Variants in RNF125 observed in about 807,000 individuals in gnomAD.
RNF125 encodes ring finger protein 125, also known as E3 ubiquitin-protein ligase RNF125.
Under a neutral mutation model 26.0 loss-of-function variants are expected in RNF125, and 21 were observed. That is an observed-to-expected ratio of 0.81 (90% confidence interval 0.57 to 1.16). The LOEUF is 1.16. RNF125 is among the 50% of genes most tolerant of loss of function. RNF125 has a pLI of 0.00. For missense variants in RNF125, 270 were observed against 299.4 expected, an observed-to-expected ratio of 0.90 and a Z score of 0.72; for synonymous variants, 95 against 109.2, an observed-to-expected ratio of 0.87 and a Z score of 0.81.
At position 32,066,975 on chromosome 18, in the gene RNF125, G is replaced by A. The variant is rs578013598; in HGVS notation, c.612+966G>A. Among the ~76,000 whole-genome samples, 17 of 152,254 alleles carry A rather than the reference G, an allele frequency of 1.1e-4. No homozygotes were observed. In the South Asian group the frequency reaches 1.9e-3, roughly 17 times the overall value. ...TAATACAAAGAGGTTTCTCTTGGCC[G>A]GGCGTGGTGGCTCACACCTGTAATC... On this transcript the variant is annotated intron_variant, in intron 5 of 5. Transcript: ENST00000217740.
chr18:32,045,589 A>C, intron 3 of RNF125, 53 bp from the exon 4 acceptor site: 2 of 1,193,970 alleles, frequency 1.7e-6, no homozygotes, highest in Non-Finnish European at 1.2e-6. Context: ...AAAAGTGACT[A>C]CTATCTAGTT....
chr18:32,046,214 C>CAAAAAAAAAAAA (rs768054716), intron 4 of RNF125, among the ~76,000 whole-genome samples: 1 of 76,174 alleles, frequency 1.3e-5, no homozygotes, highest in Non-Finnish European at 2.3e-5. Context: ...AAGACTGTCT[C>CAAAAAAAAAAAA]AAAAAAAAAA....
At chr18:32,048,257 C>CA (rs56147477) in intron 4 of RNF125, among the ~76,000 whole-genome samples, 5,504 of 117,722 alleles carry the variant, frequency 0.047, 130 homozygotes, top group East Asian at 0.075. Context: ...ACTAAAAATA[C>CA]AAAAAAAAAA....
At chr18:32,063,272 A>G (rs1008990940) in intron 4 of RNF125, among the ~76,000 whole-genome samples, 2 of 151,636 alleles carry the variant, frequency 1.3e-5, no homozygotes, top group African/African-American at 2.4e-5. Flanking sequence ...ATATAATTTT[A>G]AAAAAGTGAA....
chr18:32,019,481 C>T (rs2144420247), intron 1 of RNF125, among the ~76,000 whole-genome samples: 1 of 152,332 alleles, frequency 6.6e-6, no homozygotes, highest in Non-Finnish European at 1.5e-5. Context: ...TCCCTCTGCC[C>T]CAGAAACCCG....
the RNF125 span, among the ~76,000 whole-genome samples, chr18:32,089,970 G>C: frequency 6.6e-6 from 1 of 152,218 alleles, no homozygotes; most frequent in African/African-American, 2.4e-5. Flanking sequence ...TGTAGGCCAG[G>C]CACAGTGGCT....
intron 4 of RNF125, among the ~76,000 whole-genome samples, chr18:32,049,993 G>C (rs10502580): frequency 0.091 from 13,917 of 152,104 alleles, 2,077 homozygotes; most frequent in African/African-American, 0.32. Context: ...GATTCTGGAT[G>C]GGTGTGGAAG....
chr18:32,053,723 G>A (rs570416422), intron 4 of RNF125, among the ~76,000 whole-genome samples: 24 of 151,982 alleles, frequency 1.6e-4, no homozygotes, highest in East Asian at 1.2e-3. Flanking sequence ...AGCAGAGATC[G>A]CATCATTGCA....
intron 1 of RNF125, among the ~76,000 whole-genome samples, chr18:32,032,326 C>T (rs938163131): frequency 6.6e-6 from 1 of 152,012 alleles, no homozygotes; most frequent in African/African-American, 2.4e-5. Flanking sequence ...GATCCACCTG[C>T]CTCAGCCTCC....
At chr18:32,038,552 CAT>C (rs34697030) in intron 2 of RNF125, among the ~76,000 whole-genome samples, 44,940 of 151,980 alleles carry the variant, frequency 0.3, 8,007 homozygotes, top group South Asian at 0.4. Flanking sequence ...AACCCAGTGA[CAT>C]ATTTCCACCT....
At position 32,069,190 on chromosome 18, in the gene RNF125, G is replaced by A; in HGVS notation, c.*806G>A. ...CACTCCAGCCTGGGTAACAGAGCTA[G>A]ACTCCATCTCAAAAAAAAAAAAAAA... On this transcript the variant is annotated 3_prime_UTR_variant, in exon 6 of 6. Transcript: ENST00000217740. 1.7e-5 allele frequency: 2 copies of A among 119,506 alleles called. No homozygotes were observed. The highest frequency in any genetic ancestry group is 6.6e-5 in the African/African-American group (2 of 30,298). The allele number at this position is 119,506 out of a possible 1,614,324, so 7.4% of individuals were successfully genotyped here. A position where few individuals can be genotyped will look rare whatever the true frequency, so the allele number is the denominator to read the frequency against.
chr18:32,068,469 ATTGATGGGC>A lies in RNF125; in HGVS notation c.*86_*94del. ...ACAAATGGGAGGGAAGTTGTCAATG[ATTGATGGGC>A]AAAAATGTACAACACAGTTATGTGT... On this transcript the variant is annotated 3_prime_UTR_variant, in exon 6 of 6. Coordinates refer to ENST00000217740, the MANE Select transcript of RNF125 (RefSeq NM_017831.4). 1.3e-6 allele frequency: 1 copy of A among 792,906 alleles called. No individual in the cohort carries two copies. Among genetic ancestry groups the A allele is most frequent in the Admixed American group, 1.9e-5 (1 of 52,498 alleles). The allele number at this position is 792,906 out of a possible 1,614,324, so 49.1% of individuals were successfully genotyped here.
downstream of RNF125, among the ~76,000 whole-genome samples, chr18:32,077,685 A>G (rs1598832875): frequency 6.6e-6 from 1 of 151,984 alleles, no homozygotes; most frequent in Non-Finnish European, 1.5e-5. Context: ...TTGAAAGAAG[A>G]AAAAAATCAT....
chr18:32,055,835 C>T (rs563221778), intron 4 of RNF125, among the ~76,000 whole-genome samples: 6 of 151,640 alleles, frequency 4.0e-5, no homozygotes, highest in East Asian at 3.9e-4. Flanking sequence ...CAAAATTAGC[C>T]GGGTGTGGTG....
chr18:32,075,827 T>C, downstream of RNF125: 2 of 669,386 alleles, frequency 3.0e-6, no homozygotes, highest in Non-Finnish European at 5.3e-6. Flanking sequence ...TTCTTTGTTG[T>C]TGTTGTTTGT....
chr18:32,045,507 G>A (rs2039260421), intron 3 of RNF125, 135 bp from the exon 4 acceptor site: 1 of 454,758 alleles, frequency 2.2e-6, no homozygotes. Flanking sequence ...GTTGCATTGA[G>A]CTGAGATCAT....
At chr18:32,042,354 C>T in intron 3 of RNF125, 81 bp downstream of exon 3, 1 of 841,076 alleles carries the variant, frequency 1.2e-6, no homozygotes, top group Non-Finnish European at 1.9e-6. Flanking sequence ...CTTTAACATT[C>T]TTATGAAAAT....
intron 4 of RNF125, among the ~76,000 whole-genome samples, chr18:32,047,088 G>C (rs2039279669): frequency 6.6e-6 from 1 of 152,146 alleles, no homozygotes; most frequent in Non-Finnish European, 1.5e-5. Flanking sequence ...CCAGGCTGGA[G>C]TGCAGTGGCT....
chr18:32,055,979 CAAAAAAAAAAAAAAA>C (rs67968645), intron 4 of RNF125, among the ~76,000 whole-genome samples: 2 of 78,864 alleles, frequency 2.5e-5, no homozygotes, highest in Non-Finnish European at 4.6e-5. Flanking sequence ...AACTCCATCT[CAAAAAAAAAAAAAAA>C]AAAAAAAAGA....
Sources: gnomAD v4.1 joint callset for allele counts (sites outside exome capture counted in the v4.1 genomes callset) on GRCh38, gnomAD v4.1.1 for gene constraint, MANE v1.5 for transcripts, NCBI Gene and HGNC (gene_info 2026-07-23, HGNC 2026-07-21) for gene names.